PRSS55: variants seen among roughly 807,000 people sequenced by gnomAD.
The protein encoded by PRSS55 is serine protease 55.
PRSS55 carries 41 observed loss-of-function variants against 23.6 expected under a neutral mutation model. That is an observed-to-expected ratio of 1.74 (90% CI 1.35 to 2.26). The LOEUF (loss-of-function observed/expected upper bound fraction) is 2.26. Ranked by LOEUF, PRSS55 falls within the 30% of genes most tolerant of loss-of-function variation. The pLI, the probability that PRSS55 is intolerant of heterozygous loss-of-function variation, is 0.00. For missense variants in PRSS55, 669 were observed against 439.1 expected (o/e 1.52, Z -4.68); for synonymous variants, 262 against 175.5 (o/e 1.49, Z -3.90).
downstream of PRSS55, among the ~76,000 whole-genome samples, chr8:10,543,423 T>TCTTTCTTCCTTCCTTCCTTC (rs1491268512): frequency 2.1e-4 from 15 of 71,562 alleles, no homozygotes; most frequent in Admixed American, 6.9e-4. Flanking sequence ...CTTCTTTCTT[T>TCTTTCTTCCTTCCTTCCTTC]CTTCCTTCCT....
At chr8:10,541,866 TCAGCCTCTCTAATAGCTGAGTCC>T (rs1266654171), downstream of PRSS55, among the ~76,000 whole-genome samples, 4 of 152,138 alleles carry the variant, frequency 2.6e-5, no homozygotes, top group African/African-American at 4.8e-5. Context: ...TCCTCCCAAC[TCAGCCTCTCTAATAGCTGAGTCC>T]CAGCCTCTCT....
chr8:10,544,798 TTCC>T (rs1480707589), intron 4 of PRSS55, among the ~76,000 whole-genome samples: 8 of 152,348 alleles, frequency 5.3e-5, no homozygotes, highest in East Asian at 3.9e-4. Context: ...GTAGTCCTAT[TTCC>T]TCCTCCTCTT....
intron 1 of PRSS55, among the ~76,000 whole-genome samples, chr8:10,528,200 CAA>C (rs35143057): frequency 3.3e-4 from 30 of 89,570 alleles, no homozygotes; most frequent in African/African-American, 5.5e-4. Context: ...CTTCGTCTCT[CAA>C]AAAAAAAAAA....
At chr8:10,530,722 C>G (rs1265420797) in intron 2 of PRSS55, among the ~76,000 whole-genome samples, 1 of 152,124 alleles carries the variant, frequency 6.6e-6, no homozygotes, top group Non-Finnish European at 1.5e-5. Context: ...GAAGGTTAAT[C>G]AAAAACCCGG....
chr8:10,548,981 G>A (rs562450867), intron 4 of PRSS55, among the ~76,000 whole-genome samples: 554 of 152,272 alleles, frequency 3.6e-3, no homozygotes, highest in Non-Finnish European at 5.1e-3. Flanking sequence ...ACGCAGCCAC[G>A]CCTCTTCCCT....
At chr8:10,534,643 T>G (rs941841641) in intron 4 of PRSS55, among the ~76,000 whole-genome samples, 6 of 152,298 alleles carry the variant, frequency 3.9e-5, no homozygotes, top group African/African-American at 1.4e-4. Flanking sequence ...AGCCTCCCTC[T>G]CAGGACCAGA....
At chr8:10,528,799 C>T (rs115041698) in intron 1 of PRSS55, among the ~76,000 whole-genome samples, 1,910 of 152,336 alleles carry the variant, frequency 0.013, 28 homozygotes, top group African/African-American at 0.042. Flanking sequence ...CAGGGTGCAG[C>T]AGGTCTGCGT....
chr8:10,552,429 T>G (rs183887012), intron 4 of PRSS55, among the ~76,000 whole-genome samples: 4 of 152,286 alleles, frequency 2.6e-5, no homozygotes, highest in Admixed American at 1.3e-4. Flanking sequence ...CAAATGGGGT[T>G]GCACTAAACT....
In PRSS55 at chr8:10,525,597, C is replaced by G. The variant is rs777787289; in HGVS notation, c.12C>G (p.Phe4Leu). 1 of 1,614,114 alleles carries G rather than the reference C, an allele frequency of 6.2e-7. No homozygotes were observed. The highest frequency in any genetic ancestry group is 8.5e-7 in the Non-Finnish European group (1 of 1,180,002). The change falls in exon 1 of 5, where the codon TTC becomes TTG. Residue 4 changes from phenylalanine to leucine, a missense_variant. Phe to Leu is a conservative substitution (Grantham distance 22). Transcript: ENST00000328655. MLL[F>L]SVLLLLSLVT... ...CACAGCCCAGGGCCATGCTCCTGTT[C>G]TCAGTGTTGCTGCTCCTGTCCCTGG...
chr8:10,528,163 C>A (rs540807964), intron 1 of PRSS55, among the ~76,000 whole-genome samples: 13 of 149,368 alleles, frequency 8.7e-5, no homozygotes, highest in Admixed American at 2.7e-4. Context: ...GGTGCCACTG[C>A]ACTCCAGCCT....
At chr8:10,546,918 T>C (rs1812832143) in intron 4 of PRSS55, among the ~76,000 whole-genome samples, 1 of 152,098 alleles carries the variant, frequency 6.6e-6, no homozygotes, top group Non-Finnish European at 1.5e-5. Context: ...TGGGCTCAAA[T>C]GATCCTCCCA....
intron 4 of PRSS55, among the ~76,000 whole-genome samples, chr8:10,553,497 T>C (rs992543676): frequency 6.6e-6 from 1 of 152,144 alleles, no homozygotes; most frequent in Non-Finnish European, 1.5e-5. Context: ...TCATTGACAA[T>C]GACACAGATG....
rs770050467 is a variant in PRSS55 at position 10,532,915 on chromosome 8, A to T, written c.608A>T (p.Asn203Ile). The T allele has an allele frequency of 6.2e-7, 1 of 1,614,012 alleles. No homozygotes were observed. Among genetic ancestry groups the T allele is most frequent in the Non-Finnish European group, 8.5e-7 (1 of 1,179,994 alleles). The part of the protein sequence containing the change: ...GWGQTNAADK[N>I]SVKTDLMKAP... ...TTTCTCTCTGGGCCAGCTGACAAAAACTCTGTGAAAACGGATCTGATGAAA... is the reference window on the plus strand; with the variant it reads ...TTTCTCTCTGGGCCAGCTGACAAAATCTCTGTGAAAACGGATCTGATGAAA... The change falls in exon 4 of 5, where the codon AAC (asparagine) becomes ATC (isoleucine). Residue 203 changes from asparagine (N) to isoleucine (I), a missense_variant. Physicochemically the swap from Asn to Ile is moderately radical, Grantham distance 149. Coordinates refer to ENST00000328655, the MANE Select transcript of PRSS55 (RefSeq NM_198464.4).
At position 10,537,412 on chromosome 8, in the gene PRSS55, TA is replaced by T. The variant is rs569265891; in HGVS notation, c.742-1055del. Among the ~76,000 whole-genome samples the T allele has an allele frequency of 6.3e-3, 949 of 151,466 alleles. 7 individuals carry two copies. Among genetic ancestry groups the T allele is most frequent in the African/African-American group, 0.02 (808 of 41,278 alleles). ...ATATTCTCACTTATAAATGGAAGCT[TA>T]AAAAAAAACTCATGGAGATAAAGAA... On this transcript the variant is annotated intron_variant, in intron 4 of 4. Transcript: ENST00000328655.
intron 2 of PRSS55, among the ~76,000 whole-genome samples, chr8:10,530,035 G>C (rs1812193903): frequency 6.6e-6 from 1 of 152,202 alleles, no homozygotes; most frequent in Non-Finnish European, 1.5e-5. Context: ...GGAAATCCTT[G>C]TAATTCTGGA....
chr8:10,531,614 G>A, intron 3 of PRSS55, 69 bp downstream of exon 3: 2 of 1,582,420 alleles, frequency 1.3e-6, no homozygotes, highest in Non-Finnish European at 1.7e-6. Flanking sequence ...AGGAAGCTAA[G>A]GAAGGAGTGA....
chr8:10,530,211 T>G (rs900137557), intron 2 of PRSS55, among the ~76,000 whole-genome samples: 2 of 152,238 alleles, frequency 1.3e-5, no homozygotes, highest in Non-Finnish European at 2.9e-5. Context: ...GGCTCACGCC[T>G]GTCATCCCAG....
intron 4 of PRSS55, among the ~76,000 whole-genome samples, chr8:10,551,418 C>T (rs541072562): frequency 2.6e-5 from 4 of 152,316 alleles, no homozygotes; most frequent in East Asian, 1.9e-4. Flanking sequence ...AGGCAGTGCC[C>T]GGTGGCTGTC....
chr8:10,541,703 G>C (rs1487662904), downstream of PRSS55: 1 of 152,326 alleles, frequency 6.6e-6, no homozygotes, highest in East Asian at 1.9e-4. Flanking sequence ...TATGGGGGAA[G>C]AGCTTCTGTA....
Sources: gnomAD v4.1 joint callset for allele counts (sites outside exome capture counted in the v4.1 genomes callset) on GRCh38, gnomAD v4.1.1 for gene constraint, MANE v1.5 for transcripts, NCBI Gene and HGNC (gene_info 2026-07-23, HGNC 2026-07-21) for gene names.